PCDHA10: variants seen among roughly 807,000 people sequenced by gnomAD.
PCDHA10 encodes the protein protocadherin alpha-10.
Under a neutral mutation model 61.2 loss-of-function variants are expected in PCDHA10, and 45 were observed. That is an observed-to-expected ratio of 0.74 (90% CI 0.58 to 0.94). The LOEUF is 0.94. Among genes scored for constraint, PCDHA10 ranks in the 40% least tolerant of loss-of-function variants. PCDHA10 has a pLI of 0.00. For synonymous variants in PCDHA10, 602 were observed against 548.8 expected, an observed-to-expected ratio of 1.10 and a Z score of -1.35; for missense variants, 1,278 against 1,236.2, an observed-to-expected ratio of 1.03 and a Z score of -0.51.
rs782040852 is a variant in PCDHA10, at chr5:140,858,282, G to A, written c.2234G>A (p.Ser745Asn). Residue 745 changes from serine to asparagine, a missense_variant, in exon 1 of 4, where the codon AGC becomes AAC. Physicochemically the swap from Ser to Asn is conservative, Grantham distance 46. Transcript: ENST00000307360. ...PTLVCSSAVGSWSYSQQRRQR... is the reference protein window; with the variant it reads ...PTLVCSSAVGNWSYSQQRRQR... ...CTGGTGTGCTCTAGCGCGGTGGGGAGCTGGTCTTACTCGCAGCAGAGGCGG... is the reference window on the plus strand; with the variant it reads ...CTGGTGTGCTCTAGCGCGGTGGGGAACTGGTCTTACTCGCAGCAGAGGCGG... 6.3e-7 allele frequency: 1 copy of A among 1,597,598 alleles called. No homozygotes were observed. The highest frequency in any genetic ancestry group is 1.7e-5 in the Admixed American group (1 of 59,212).
At chr5:140,877,270 G>C in intron 1 of PCDHA10, 2 of 1,613,864 alleles carry the variant, frequency 1.2e-6, no homozygotes, top group Non-Finnish European at 1.7e-6. Context: ...GGTGGACGCT[G>C]ACTCCGGCTA....
chr5:140,898,999 A>G (rs2067088188), intron 1 of PCDHA10, among the ~76,000 whole-genome samples: 2 of 151,690 alleles, frequency 1.3e-5, no homozygotes, highest in African/African-American at 4.8e-5. Context: ...TTTGTCTGTT[A>G]TTGGTGTATA....
chr5:140,968,094 A>G, intron 1 of PCDHA10: 1 of 1,614,138 alleles, frequency 6.2e-7, no homozygotes. Flanking sequence ...ACAGCCACAG[A>G]TGGGGGAATA....
rs2098419589 is a variant in PCDHA10 at position 141,011,142 on chromosome 5, C to A, written c.*1205C>A. 1 of 153,660 alleles carries A rather than the reference C, an allele frequency of 6.5e-6. No individual in the cohort carries two copies. The highest frequency in any genetic ancestry group is 2.1e-4 in the South Asian group (1 of 4,820). 9.5% of individuals were successfully genotyped at this position (153,660 alleles called of 1,614,324 possible). On this transcript the variant is annotated 3_prime_UTR_variant, in exon 4 of 4. Transcript: ENST00000307360. ...CAATTATGTGCACTTTGATACACAA[C>A]CTTCTCTAACCAACTATATATCAAG...
chr5:140,997,577 T>G (rs2097775398), intron 3 of PCDHA10, among the ~76,000 whole-genome samples: 1 of 152,186 alleles, frequency 6.6e-6, no homozygotes, highest in Admixed American at 6.5e-5. Flanking sequence ...GTGTGGTCCG[T>G]TGTTGACTGA....
chr5:140,884,409 C>T, intron 1 of PCDHA10: 4 of 1,613,992 alleles, frequency 2.5e-6, no homozygotes, highest in Non-Finnish European at 3.4e-6. Context: ...TTGGTGCTCA[C>T]GTTGCTGCTG....
chr5:140,933,441 C>T (rs1197059199), intron 1 of PCDHA10, among the ~76,000 whole-genome samples: 1 of 151,990 alleles, frequency 6.6e-6, no homozygotes, highest in African/African-American at 2.4e-5. Flanking sequence ...ACTCTAATGA[C>T]ATACCTTCAA....
chr5:140,992,116 T>A (rs1279382326), intron 3 of PCDHA10, among the ~76,000 whole-genome samples: 1 of 151,688 alleles, frequency 6.6e-6, no homozygotes, highest in Non-Finnish European at 1.5e-5. Context: ...AGATGTGTCA[T>A]GGAAGAACAG....
intron 1 of PCDHA10, among the ~76,000 whole-genome samples, chr5:140,977,637 T>C (rs1440093548): frequency 6.6e-6 from 1 of 152,228 alleles, no homozygotes; most frequent in Non-Finnish European, 1.5e-5. Flanking sequence ...TAACTTTTTC[T>C]GGGCCTTGAC....
At chr5:140,954,889 G>C (rs2095106564) in intron 1 of PCDHA10, among the ~76,000 whole-genome samples, 1 of 152,070 alleles carries the variant, frequency 6.6e-6, no homozygotes, top group East Asian at 1.9e-4. Flanking sequence ...TTCTTCTAGG[G>C]TTTTTATAGT....
intron 1 of PCDHA10, chr5:140,875,810 C>A: frequency 6.2e-7 from 1 of 1,614,106 alleles, no homozygotes; most frequent in Non-Finnish European, 8.5e-7. Flanking sequence ...GTGGACAGGC[C>A]GCTGCAGGTT....
intron 1 of PCDHA10, among the ~76,000 whole-genome samples, chr5:140,878,377 T>C (rs2057568265): frequency 6.6e-6 from 1 of 152,274 alleles, no homozygotes; most frequent in Non-Finnish European, 1.5e-5. Flanking sequence ...ATATGATGAA[T>C]GATTTTCTTC....
intron 1 of PCDHA10, among the ~76,000 whole-genome samples, chr5:140,906,402 A>G (rs1378425113): frequency 1.3e-5 from 2 of 152,268 alleles, no homozygotes; most frequent in African/African-American, 4.8e-5. Flanking sequence ...AAATTTTCAT[A>G]TGAAGTCAAT....
At chr5:140,862,316 C>G (rs2047308112) in intron 1 of PCDHA10, 1 of 317,936 alleles carries the variant, frequency 3.1e-6, no homozygotes, top group Non-Finnish European at 6.2e-6. Context: ...CGTCATAGCC[C>G]TAATCAGTGT....
intron 1 of PCDHA10, among the ~76,000 whole-genome samples, chr5:140,911,000 C>T (rs139648608): frequency 1.9e-3 from 291 of 152,218 alleles, no homozygotes; most frequent in African/African-American, 6.7e-3. Context: ...ACCCCTAGGG[C>T]CCTCCTGGGA....
chr5:140,970,948 C>A (rs1339410112), intron 1 of PCDHA10, among the ~76,000 whole-genome samples: 2 of 152,114 alleles, frequency 1.3e-5, no homozygotes, highest in East Asian at 3.8e-4. Flanking sequence ...TGCTGAGAAA[C>A]CATGGGAGGC....
chr5:140,857,392 C>T lies in PCDHA10; in HGVS notation c.1344C>T (p.Asn448=), dbSNP rs142727326. ...TGTCTGTGGAGGTGGCCGACGTGAA[C>T]GACAACGCGCCTGCGTTCGCGCAGT... ...ASVSVEVADV[N]DNAPAFAQSE... is the part of the protein sequence containing the mutation. The change falls in exon 1 of 4, where the codon AAC becomes AAT. Residue 448 remains asparagine (N), a synonymous_variant. Coordinates refer to ENST00000307360, the MANE Select transcript of PCDHA10 (RefSeq NM_018901.4). 2.9e-5 allele frequency: 46 copies of T among 1,598,470 alleles called. 4 individuals are homozygous for T. Among genetic ancestry groups the T allele is most frequent in the Non-Finnish European group, 3.6e-5 (42 of 1,167,894 alleles).
At chr5:140,885,070 T>C (rs1253345040) in intron 1 of PCDHA10, among the ~76,000 whole-genome samples, 1 of 152,232 alleles carries the variant, frequency 6.6e-6, no homozygotes, top group African/African-American at 2.4e-5. Flanking sequence ...CAAGATATTA[T>C]TTTAAAGAGC....
chr5:140,987,363 T>C (rs1269772618), intron 3 of PCDHA10, among the ~76,000 whole-genome samples: 1 of 152,218 alleles, frequency 6.6e-6, no homozygotes, highest in Non-Finnish European at 1.5e-5. Flanking sequence ...GGTTGTCTTA[T>C]ATCATTACAG....
Sources: gnomAD v4.1 joint callset for allele counts (sites outside exome capture counted in the v4.1 genomes callset) on GRCh38, gnomAD v4.1.1 for gene constraint, MANE v1.5 for transcripts, NCBI Gene and HGNC (gene_info 2026-07-23, HGNC 2026-07-21) for gene names.